SLC24A2: variants seen among roughly 807,000 people sequenced by gnomAD.
SLC24A2 encodes the protein sodium/potassium/calcium exchanger 2.
SLC24A2 carries 36 observed loss-of-function variants against 62.0 expected under a neutral mutation model. That is an observed-to-expected ratio of 0.58 (90% CI 0.44 to 0.77). The LOEUF is 0.77. SLC24A2 is among the 30% of genes least tolerant of loss of function. The pLI, the probability that SLC24A2 is intolerant of heterozygous loss-of-function variation, is 0.00. For synonymous variants in SLC24A2, 358 were observed against 294.0 expected (o/e 1.22, Z -2.23); for missense variants, 846 against 817.9 (o/e 1.03, Z -0.42).
chr9:19,719,464 C>A (rs1166811995), intron 2 of SLC24A2, among the ~76,000 whole-genome samples: 1 of 152,140 alleles, frequency 6.6e-6, no homozygotes, highest in African/African-American at 2.4e-5. Flanking sequence ...AACCATATTG[C>A]TTCCTAGACT....
chr9:19,781,550 T>C (rs1193266432), intron 2 of SLC24A2, among the ~76,000 whole-genome samples: 2 of 152,182 alleles, frequency 1.3e-5, no homozygotes, highest in Non-Finnish European at 2.9e-5. Flanking sequence ...CCTAGTTCAC[T>C]CTCTGAATCA....
At chr9:19,552,001 A>T (rs1020590217) in intron 7 of SLC24A2, among the ~76,000 whole-genome samples, 7 of 152,262 alleles carry the variant, frequency 4.6e-5, no homozygotes, top group African/African-American at 1.7e-4. Flanking sequence ...AACAGCAAAT[A>T]TGGTGGAATT....
chr9:20,258,792 CTATCTATCTATCTATCTATCTACCT>C, the SLC24A2 span, among the ~76,000 whole-genome samples: 1 of 128,736 alleles, frequency 7.8e-6, no homozygotes, highest in Non-Finnish European at 1.5e-5. Flanking sequence ...ATCTATCTAT[CTATCTATCTATCTATCTATCTACCT>C]TATCTATCTA....
At chr9:20,126,202 A>T in the SLC24A2 span, among the ~76,000 whole-genome samples, 24 of 152,198 alleles carry the variant, frequency 1.6e-4, no homozygotes, top group African/African-American at 5.8e-4. Flanking sequence ...ATTTTTGCCA[A>T]GCTAGTATGT....
At chr9:19,935,316 A>G in the SLC24A2 span, among the ~76,000 whole-genome samples, 1 of 152,106 alleles carries the variant, frequency 6.6e-6, no homozygotes, top group East Asian at 1.9e-4. Flanking sequence ...AGCATACTAA[A>G]GTTTAAGAGC....
At chr9:19,837,671 A>C in the SLC24A2 span, among the ~76,000 whole-genome samples, 2 of 152,058 alleles carry the variant, frequency 1.3e-5, no homozygotes, top group Non-Finnish European at 2.9e-5. Flanking sequence ...AGAAAACCCC[A>C]TCGTCTCAGC....
intron 2 of SLC24A2, among the ~76,000 whole-genome samples, chr9:19,625,835 C>T (rs1033968422): frequency 2.0e-5 from 3 of 151,836 alleles, no homozygotes; most frequent in African/African-American, 7.2e-5. Flanking sequence ...TACAGGTGCC[C>T]GCCACCACGC....
the SLC24A2 span, among the ~76,000 whole-genome samples, chr9:20,083,406 C>T: frequency 2.2e-4 from 34 of 152,238 alleles, 1 homozygote; most frequent in Admixed American, 2.2e-3. Flanking sequence ...GAACAGGGAC[C>T]TGAAAAAAGG....
intron 2 of SLC24A2, among the ~76,000 whole-genome samples, chr9:19,712,969 C>T (rs779989916): frequency 3.3e-5 from 5 of 152,050 alleles, no homozygotes; most frequent in Non-Finnish European, 7.4e-5. Flanking sequence ...GAATCACTGC[C>T]CTAGATATCT....
chr9:20,241,547 C>A, the SLC24A2 span, among the ~76,000 whole-genome samples: 6 of 152,060 alleles, frequency 3.9e-5, no homozygotes, highest in African/African-American at 1.4e-4. Flanking sequence ...AATTATCAAG[C>A]CTTCATCATA....
chr9:20,160,738 C>A, the SLC24A2 span, among the ~76,000 whole-genome samples: 1 of 150,954 alleles, frequency 6.6e-6, no homozygotes, highest in African/African-American at 2.4e-5. Context: ...GTATTAGAAT[C>A]TATGGGATAC....
chr9:20,258,843 A>C, the SLC24A2 span, among the ~76,000 whole-genome samples: 1 of 96,494 alleles, frequency 1.0e-5, no homozygotes, highest in Non-Finnish European at 2.2e-5. Flanking sequence ...CTGTCTATCT[A>C]TCTATCTATC....
intron 5 of SLC24A2, among the ~76,000 whole-genome samples, chr9:19,596,809 G>C (rs192154414): frequency 2.6e-5 from 4 of 152,302 alleles, no homozygotes; most frequent in Admixed American, 2.0e-4. Flanking sequence ...AGATACTTCA[G>C]ATCTTTCATT....
chr9:19,862,652 A>T, the SLC24A2 span, among the ~76,000 whole-genome samples: 1 of 152,098 alleles, frequency 6.6e-6, no homozygotes, highest in Non-Finnish European at 1.5e-5. Flanking sequence ...GTACAATAAG[A>T]AGGTATAAAC....
the SLC24A2 span, among the ~76,000 whole-genome samples, chr9:20,282,254 T>G: frequency 6.6e-6 from 1 of 152,318 alleles, no homozygotes; most frequent in East Asian, 1.9e-4. Context: ...AAGAAACCTT[T>G]TCCCAGAAAA....
intron 8 of SLC24A2, among the ~76,000 whole-genome samples, chr9:19,542,293 G>T (rs933137552): frequency 6.6e-6 from 1 of 152,170 alleles, no homozygotes; most frequent in Non-Finnish European, 1.5e-5. Context: ...CATTGATATT[G>T]TATCCTGAGG....
chr9:19,691,602 G>C (rs149802641), intron 2 of SLC24A2, among the ~76,000 whole-genome samples: 99 of 152,094 alleles, frequency 6.5e-4, no homozygotes, highest in Non-Finnish European at 3.7e-4. Flanking sequence ...TCACTTCCTC[G>C]TTGCTTCTAA....
intron 2 of SLC24A2, among the ~76,000 whole-genome samples, chr9:19,663,428 T>C (rs1354839586): frequency 6.6e-6 from 1 of 152,170 alleles, no homozygotes; most frequent in African/African-American, 2.4e-5. Context: ...CCACAGGTCT[T>C]TTCTGTTGCA....
chr9:19,628,032 A>G (rs1186826140), intron 2 of SLC24A2, among the ~76,000 whole-genome samples: 1 of 152,214 alleles, frequency 6.6e-6, no homozygotes, highest in African/African-American at 2.4e-5. Context: ...CAGAATTGAC[A>G]AGCTATATGG....
Sources: allele counts gnomAD v4.1 joint callset (sites outside exome capture counted in the v4.1 genomes callset), GRCh38; gene constraint gnomAD v4.1.1; transcripts MANE v1.5; gene names NCBI Gene and HGNC (gene_info 2026-07-23, HGNC 2026-07-21).